Variants in CDC25B observed in about 807,000 individuals in gnomAD.
CDC25B encodes the protein M-phase inducer phosphatase 2.
In CDC25B, 33 loss-of-function variants were observed where a neutral mutation model predicts 69.8. The observed-to-expected ratio is 0.47, with a 90% CI of 0.36 to 0.63. The LOEUF is 0.63. Ranked by LOEUF, CDC25B falls within the 30% of genes least tolerant of loss-of-function variation. The probability of loss-of-function intolerance (pLI) is 0.00; values close to 1 mark genes in which losing one functional copy is unlikely to be tolerated. For missense variants in CDC25B, 727 were observed against 809.1 expected (o/e 0.90, Z 1.23); for synonymous variants, 341 against 314.6 (o/e 1.08, Z -0.89).
At chr20:3,792,673 G>A (rs779300244), upstream of CDC25B, among the ~76,000 whole-genome samples, 7 of 152,074 alleles carry the variant, frequency 4.6e-5, no homozygotes, top group Admixed American at 2.0e-4. Flanking sequence ...TCACCATGTC[G>A]GCCAGGCTGG....
chr20:3,801,425 A>G, intron 8 of CDC25B, 37 bp downstream of exon 8: 3 of 1,557,570 alleles, frequency 1.9e-6, no homozygotes, highest in Non-Finnish European at 2.6e-6. Flanking sequence ...CTACCTTCCT[A>G]TCCCTGGGTT....
At chr20:3,791,512 GTC>G (rs2146651803), upstream of CDC25B, among the ~76,000 whole-genome samples, 1 of 152,182 alleles carries the variant, frequency 6.6e-6, no homozygotes, top group South Asian at 2.1e-4. Flanking sequence ...ACAAAACCCA[GTC>G]TCTCCAAAAA....
chr20:3,796,570 T>C lies in CDC25B; in HGVS notation c.39T>C (p.Ala13=). 6.8e-7 allele frequency: 1 copy of C among 1,472,658 alleles called. No individual in the cohort carries two copies. The highest frequency in any genetic ancestry group is 8.9e-7 in the Non-Finnish European group (1 of 1,118,598). 91.2% of individuals were successfully genotyped at this position (1,472,658 alleles called of 1,614,324 possible). The part of the protein sequence containing the change: ...VPQPEPAPGS[A]LSPAGVCGGA... ...AGCCGGAGCCCGCGCCAGGCTCGGC[T>C]CTCAGTCCAGCAGGCGTGTGCGGTG... The change falls in exon 1 of 16, where the codon GCT becomes GCC. Residue 13 remains alanine, a synonymous_variant. Coordinates refer to ENST00000245960, the MANE Select transcript of CDC25B (RefSeq NM_021873.4).
intron 1 of CDC25B, 134 bp downstream of exon 1, chr20:3,796,865 A>G (rs1318868567): frequency 2.1e-5 from 25 of 1,197,378 alleles, no homozygotes; most frequent in East Asian, 3.1e-5. Context: ...GTGGAGAGGT[A>G]CGCCCTTGTT....
At chr20:3,788,822 C>T (rs1385304883) in intron 1 of CDC25B, among the ~76,000 whole-genome samples, 7 of 146,434 alleles carry the variant, frequency 4.8e-5, no homozygotes, top group South Asian at 2.1e-4. Flanking sequence ...TCCTTCCTTC[C>T]TTCCCTTCTT....
chr20:3,804,457 G>A, intron 14 of CDC25B, 112 bp from the exon 15 acceptor site: 1 of 704,416 alleles, frequency 1.4e-6, no homozygotes, highest in Non-Finnish European at 2.6e-6. Flanking sequence ...GTGCTCTAAA[G>A]CTTTCTGTGG....
chr20:3,803,533 C>T lies in CDC25B; in HGVS notation c.1486C>T (p.Arg496Cys), dbSNP rs199659921. 5 of 1,614,014 alleles carry T rather than the reference C, an allele frequency of 3.1e-6. No homozygotes were observed. Among genetic ancestry groups the T allele is most frequent in the Non-Finnish European group, 4.2e-6 (5 of 1,179,994 alleles). Residue 496 changes from arginine (R) to cysteine (C), a missense_variant, in exon 14 of 16, where the codon CGC becomes TGC. Arg to Cys is a radical substitution (Grantham distance 180). Coordinates refer to ENST00000245960, the MANE Select transcript of CDC25B (RefSeq NM_021873.4). The surrounding 1 kb of genome is among the most constrained non-coding windows in gnomAD (Gnocchi z 4.9). ...HCEFSSERGP[R>C]MCRFIRERDR... ...TGAATTCTCATCTGAGCGTGGGCCC[C>T]GCATGTGAGTCCCAGCTCCGCCCAG...
rs769525432 is a variant in CDC25B, at chr20:3,800,913, G to A, written c.582+48G>A. The A allele has an allele frequency of 3.7e-6, 6 of 1,612,082 alleles. No individual in the cohort carries two copies. The Admixed American group carries it at 6.7e-5, about 18-fold the overall frequency. On this transcript the variant is annotated intron_variant, in intron 6 of 15. Transcript: ENST00000245960. ...TGGGAGCTCTCCGGGAAGAGGAGGG[G>A]GCATGCTGGGGTGGTTCCCTGGCAT...
At chr20:3,793,524 A>G (rs1370827089), upstream of CDC25B, among the ~76,000 whole-genome samples, 3 of 149,824 alleles carry the variant, frequency 2.0e-5, no homozygotes, top group Admixed American at 6.7e-5. Flanking sequence ...ACTGGCCCAG[A>G]GGTGACCTGA....
rs146399677 is a variant in CDC25B, at chr20:3,804,650, C to T, written c.1572C>T (p.Gly524=). Residue 524 remains glycine, a synonymous_variant, in exon 15 of 16, where the codon GGC becomes GGT. Coordinates refer to ENST00000245960, the MANE Select transcript of CDC25B (RefSeq NM_021873.4). ...ACCCTGAGATGTATATCCTGAAAGG[C>T]GGCTACAAGGAGTTCTTCCCTCAGC... ...LYYPEMYILK[G]GYKEFFPQHP... is the part of the protein sequence containing the mutation. The T allele has an allele frequency of 6.1e-4, 983 of 1,609,110 alleles. 2 individuals carry two copies. Among genetic ancestry groups the T allele is most frequent in the Non-Finnish European group, 8.0e-4 (945 of 1,177,170 alleles).
chr20:3,801,105 G>A lies in CDC25B; in HGVS notation c.705+12G>A. On this transcript the variant is annotated intron_variant, in intron 7 of 15. Transcript: ENST00000245960. ...CCCCCGACCTGATGGTACATCCAGA[G>A]AGCGGATCCCTGGGAGGGGCCTGGG... 6.2e-7 allele frequency: 1 copy of A among 1,613,758 alleles called. No homozygotes were observed. The highest frequency in any genetic ancestry group is 2.2e-5 in the East Asian group (1 of 44,872).
rs1395387352 is a variant in CDC25B, at chr20:3,801,822, C to T, written c.921+20C>T. On this transcript the variant is annotated intron_variant, in intron 9 of 15. Coordinates refer to ENST00000245960, the MANE Select transcript of CDC25B (RefSeq NM_021873.4). ...GAAAAGGTGGGCCTCTGGGGTGGCC[C>T]CCTCCGAATTTGGAGGCATGGGGTC... The T allele has an allele frequency of 6.3e-7, 1 of 1,590,050 alleles. No individual in the cohort carries two copies. Among genetic ancestry groups the T allele is most frequent in the Non-Finnish European group, 8.6e-7 (1 of 1,168,318 alleles).
At chr20:3,793,692 A>G (rs1397985417), upstream of CDC25B, among the ~76,000 whole-genome samples, 7 of 147,966 alleles carry the variant, frequency 4.7e-5, no homozygotes, top group African/African-American at 1.0e-4. Context: ...CTGGTGTGCT[A>G]CACCCATTAA....
At position 3,803,242 on chromosome 20, in the gene CDC25B, C is replaced by A; in HGVS notation, c.1356+36C>A. 1 of 1,583,714 alleles carries A rather than the reference C, an allele frequency of 6.3e-7. No homozygotes were observed. The highest frequency in any genetic ancestry group is 8.7e-7 in the Non-Finnish European group (1 of 1,154,870). On this transcript the variant is annotated intron_variant, in intron 13 of 15. Coordinates refer to ENST00000245960, the MANE Select transcript of CDC25B (RefSeq NM_021873.4). This position sits in a 1 kb window ranked among gnomAD's most constrained non-coding sequence, Gnocchi z 4.9. The stretch of plus-strand genomic sequence containing the variant: ...GCAATGGGGAGAGGCCCTGAAGATC[C>A]CACCTGGTTTAGGTCCTTGCTTTGC...
intron 3 of CDC25B, among the ~76,000 whole-genome samples, chr20:3,799,525 T>TGCGCGCGC (rs35316200): frequency 2.9e-5 from 2 of 68,686 alleles, no homozygotes; most frequent in African/African-American, 9.6e-5. Context: ...TGTGTGTGTG[T>TGCGCGCGC]GCGCGCGCGC....
At chr20:3,799,890 T>C (rs544182915) in intron 3 of CDC25B, among the ~76,000 whole-genome samples, 1 of 152,210 alleles carries the variant, frequency 6.6e-6, no homozygotes, top group Non-Finnish European at 1.5e-5. Flanking sequence ...TGGGTGCCCC[T>C]GGCCTATCAT....
intron 3 of CDC25B, among the ~76,000 whole-genome samples, chr20:3,799,350 A>G (rs886204492): frequency 1.6e-4 from 24 of 152,134 alleles, no homozygotes; most frequent in African/African-American, 5.3e-4. Flanking sequence ...GTGCAAGCCA[A>G]TGAAATTGGT....
At chr20:3,799,458 G>T (rs966021999) in intron 3 of CDC25B, among the ~76,000 whole-genome samples, 1 of 151,776 alleles carries the variant, frequency 6.6e-6, no homozygotes. Context: ...CACCTGCTCT[G>T]ACAGTTATAC....
chr20:3,805,596 G>C lies in CDC25B; in HGVS notation c.*635G>C. The C allele has an allele frequency of 7.6e-6, 3 of 397,184 alleles. No homozygotes were observed. The South Asian group carries it at 4.3e-4, about 57-fold the overall frequency. 24.6% of individuals were successfully genotyped at this position (397,184 alleles called of 1,614,324 possible). A position where few individuals can be genotyped will look rare whatever the true frequency, so the allele number is the denominator to read the frequency against. ...ACGCCCATCTCAGGACACTTCCGTA[G>C]ACTGTTTAGGTTCCCCTGTCAAATA... On this transcript the variant is annotated 3_prime_UTR_variant, in exon 16 of 16. Coordinates refer to ENST00000245960, the MANE Select transcript of CDC25B (RefSeq NM_021873.4).
Sources: allele counts gnomAD v4.1 joint callset (sites outside exome capture counted in the v4.1 genomes callset), GRCh38; gene constraint gnomAD v4.1.1; non-coding constraint Gnocchi (gnomAD v3.1); transcripts MANE v1.5; gene names NCBI Gene and HGNC (gene_info 2026-07-23, HGNC 2026-07-21).